The following DPP10 variants were observed in gnomAD, a reference collection of about 807,000 sequenced individuals.
DPP10 encodes dipeptidyl peptidase like 10, also known as inactive dipeptidyl peptidase 10.
In DPP10, 33 loss-of-function variants were observed where a neutral mutation model predicts 120.9. The ratio of observed to expected loss-of-function variants is 0.27; its 90% CI spans 0.21 to 0.37. DPP10 has a LOEUF of 0.37. Among genes scored for constraint, DPP10 ranks in the 10% least tolerant of loss-of-function variants. The pLI is 1.00. For synonymous variants in DPP10, 337 were observed against 326.1 expected (o/e 1.03, Z -0.36); for missense variants, 816 against 942.8 (o/e 0.87, Z 1.76).
At chr2:115,284,906 A>G (rs1368153728) in intron 1 of DPP10, among the ~76,000 whole-genome samples, 3 of 152,000 alleles carry the variant, frequency 2.0e-5, no homozygotes, top group African/African-American at 7.2e-5. Flanking sequence ...TTCTGTAATC[A>G]TATCAAATTA....
chr2:114,699,577 A>G (rs751732244), intron 1 of DPP10, among the ~76,000 whole-genome samples: 25 of 152,242 alleles, frequency 1.6e-4, no homozygotes, highest in Non-Finnish European at 3.2e-4. Flanking sequence ...AAACCTTAGC[A>G]GTCTTTGATA....
intron 1 of DPP10, among the ~76,000 whole-genome samples, chr2:114,767,955 C>G (rs1202680174): frequency 6.6e-6 from 1 of 151,814 alleles, no homozygotes; most frequent in Non-Finnish European, 1.5e-5. Context: ...ACCTGAAACC[C>G]CATCTCTACT....
At chr2:114,784,124 A>G (rs989287156) in intron 1 of DPP10, among the ~76,000 whole-genome samples, 1 of 152,032 alleles carries the variant, frequency 6.6e-6, no homozygotes, top group African/African-American at 2.4e-5. Flanking sequence ...GAAATATAGT[A>G]TATGCAGGTT....
At chr2:114,920,432 T>A (rs565663334) in intron 1 of DPP10, among the ~76,000 whole-genome samples, 5 of 152,208 alleles carry the variant, frequency 3.3e-5, no homozygotes, top group African/African-American at 7.2e-5. Context: ...CCATACGTGC[T>A]AGCACCTTCA....
intron 5 of DPP10, among the ~76,000 whole-genome samples, chr2:115,689,097 T>C (rs189603473): frequency 2.0e-5 from 3 of 152,326 alleles, no homozygotes; most frequent in East Asian, 1.9e-4. Context: ...AATGTTTATA[T>C]AGTTTCACTA....
chr2:115,200,718 A>C (rs1427873946), intron 1 of DPP10, among the ~76,000 whole-genome samples: 1 of 152,206 alleles, frequency 6.6e-6, no homozygotes, highest in Non-Finnish European at 1.5e-5. Flanking sequence ...AATATAGGTC[A>C]GGCTCTGGAC....
chr2:114,912,629 A>T (rs1383763422), intron 1 of DPP10, among the ~76,000 whole-genome samples: 1 of 152,060 alleles, frequency 6.6e-6, no homozygotes. Flanking sequence ...TAGAAAGAGG[A>T]TACAGACCTG....
At chr2:115,499,337 G>C (rs1401571504) in intron 3 of DPP10, among the ~76,000 whole-genome samples, 173 bp from the exon 4 acceptor site, 1 of 151,986 alleles carries the variant, frequency 6.6e-6, no homozygotes, top group Non-Finnish European at 1.5e-5. Flanking sequence ...GTGTTAGGCG[G>C]GCTTCCTGAT....
At chr2:115,495,505 AAGTCTC>A in intron 3 of DPP10, among the ~76,000 whole-genome samples, 1 of 152,204 alleles carries the variant, frequency 6.6e-6, no homozygotes, top group South Asian at 2.1e-4. Flanking sequence ...GTGGATGCAG[AAGTCTC>A]AGTTCTTAAT....
At chr2:114,660,940 A>G (rs930016076) in intron 1 of DPP10, among the ~76,000 whole-genome samples, 1 of 152,222 alleles carries the variant, frequency 6.6e-6, no homozygotes, top group Non-Finnish European at 1.5e-5. Context: ...TAGCCCATCA[A>G]ATGTGAAATG....
chr2:115,145,520 G>T (rs867418877), intron 1 of DPP10, among the ~76,000 whole-genome samples: 7 of 152,112 alleles, frequency 4.6e-5, no homozygotes, highest in Admixed American at 6.6e-5. Context: ...TCGTTGTATG[G>T]ATATACCACA....
chr2:115,058,753 T>TA, intron 1 of DPP10, among the ~76,000 whole-genome samples: 1 of 151,272 alleles, frequency 6.6e-6, no homozygotes, highest in Middle Eastern at 3.4e-3. Flanking sequence ...CAATCTTTTT[T>TA]TTTATTTTTT....
At chr2:114,738,733 C>T (rs1677716703) in intron 1 of DPP10, among the ~76,000 whole-genome samples, 1 of 152,154 alleles carries the variant, frequency 6.6e-6, no homozygotes, top group Admixed American at 6.5e-5. Flanking sequence ...ATAGTAACTT[C>T]CCACTGACCT....
chr2:115,523,672 G>A (rs746598187), intron 4 of DPP10, among the ~76,000 whole-genome samples: 2 of 151,982 alleles, frequency 1.3e-5, no homozygotes, highest in African/African-American at 4.8e-5. Flanking sequence ...TGGATACTTT[G>A]TGTATCCAGT....
At chr2:115,054,939 C>A (rs1012690928) in intron 1 of DPP10, among the ~76,000 whole-genome samples, 2 of 152,040 alleles carry the variant, frequency 1.3e-5, no homozygotes, top group Non-Finnish European at 2.9e-5. Flanking sequence ...CATATCATAC[C>A]TGCTATGTAC....
intron 13 of DPP10, among the ~76,000 whole-genome samples, chr2:115,773,264 T>C (rs539082585): frequency 6.6e-6 from 1 of 152,272 alleles, no homozygotes; most frequent in Non-Finnish European, 1.5e-5. Flanking sequence ...ATGAATAATG[T>C]GTAATTAGGT....
intron 5 of DPP10, among the ~76,000 whole-genome samples, chr2:115,668,265 G>A (rs770389614): frequency 9.3e-5 from 10 of 107,678 alleles, no homozygotes; most frequent in Non-Finnish European, 1.4e-4. Context: ...CATTTTAACA[G>A]TGTGGAGAAG....
At chr2:115,664,261 AC>A (rs1044418170) in intron 5 of DPP10, among the ~76,000 whole-genome samples, 6 of 151,890 alleles carry the variant, frequency 4.0e-5, no homozygotes, top group Non-Finnish European at 4.4e-5. Context: ...TACATAAGGT[AC>A]CAAAAAAGTA....
At chr2:114,917,132 A>G (rs1209629827) in intron 1 of DPP10, among the ~76,000 whole-genome samples, 1 of 152,234 alleles carries the variant, frequency 6.6e-6, no homozygotes, top group African/African-American at 2.4e-5. Flanking sequence ...TTCACAATAC[A>G]AAATCAATAC....
Sources: allele counts gnomAD v4.1 joint callset (sites outside exome capture counted in the v4.1 genomes callset), GRCh38; gene constraint gnomAD v4.1.1; transcripts MANE v1.5; gene names NCBI Gene and HGNC (gene_info 2026-07-23, HGNC 2026-07-21).